CAMTA1: variants seen among roughly 807,000 people sequenced by gnomAD.
CAMTA1 encodes the protein calmodulin-binding transcription activator 1.
In CAMTA1, 27 loss-of-function variants were observed where a neutral mutation model predicts 170.9. The ratio of observed to expected loss-of-function variants is 0.16; its 90% CI spans 0.12 to 0.22. CAMTA1 has a LOEUF of 0.22. Among genes scored for constraint, CAMTA1 ranks in the 10% least tolerant of loss-of-function variants. The pLI is 1.00. For missense variants in CAMTA1, 1,619 were observed against 2,217.2 expected (o/e 0.73, Z 5.42); for synonymous variants, 833 against 891.5 (o/e 0.93, Z 1.17).
chr1:6,795,892 GGT>G (rs1642365929), intron 1 of CAMTA1, among the ~76,000 whole-genome samples: 1 of 152,040 alleles, frequency 6.6e-6, no homozygotes, highest in Non-Finnish European at 1.5e-5. Context: ...ACTGATAAAA[GGT>G]AAAACAAAAG....
At chr1:7,053,855 T>C (rs1368735653) in intron 3 of CAMTA1, among the ~76,000 whole-genome samples, 2 of 152,218 alleles carry the variant, frequency 1.3e-5, no homozygotes, top group Non-Finnish European at 2.9e-5. Flanking sequence ...AATGAGTGAA[T>C]GAATGCTGCG....
chr1:7,126,607 T>C (rs1644945633), intron 4 of CAMTA1, among the ~76,000 whole-genome samples: 1 of 152,248 alleles, frequency 6.6e-6, no homozygotes, highest in African/African-American at 2.4e-5. Flanking sequence ...ATGCAGCATC[T>C]GGTTGTATTA....
At chr1:7,439,955 G>A (rs747736058) in intron 5 of CAMTA1, among the ~76,000 whole-genome samples, 8 of 152,348 alleles carry the variant, frequency 5.3e-5, no homozygotes, top group East Asian at 1.9e-4. Context: ...CAGAATCATC[G>A]CTAGAATTCC....
intron 3 of CAMTA1, among the ~76,000 whole-genome samples, chr1:6,947,788 G>A (rs1687820156): frequency 6.6e-6 from 1 of 152,058 alleles, no homozygotes; most frequent in Non-Finnish European, 1.5e-5. Context: ...TGCTATTACA[G>A]ATGGAATTAT....
intron 3 of CAMTA1, among the ~76,000 whole-genome samples, chr1:7,026,907 C>T (rs1013262352): frequency 5.9e-5 from 9 of 152,212 alleles, no homozygotes; most frequent in African/African-American, 1.9e-4. Flanking sequence ...GGATTACAGA[C>T]ATGAGCCACT....
At chr1:6,795,956 A>G (rs1642378785) in intron 1 of CAMTA1, among the ~76,000 whole-genome samples, 1 of 152,156 alleles carries the variant, frequency 6.6e-6, no homozygotes, top group South Asian at 2.1e-4. Flanking sequence ...GCTGATTTGC[A>G]TCAGTACAGT....
intron 6 of CAMTA1, among the ~76,000 whole-genome samples, chr1:7,595,344 C>A (rs1247445367): frequency 6.6e-6 from 1 of 152,224 alleles, no homozygotes; most frequent in Non-Finnish European, 1.5e-5. Context: ...CGAGGCAAGG[C>A]AGAGAGCCCT....
intron 1 of CAMTA1, chr1:6,807,057 T>A (rs1177349983): frequency 1.5e-6 from 1 of 665,646 alleles, no homozygotes; most frequent in South Asian, 1.6e-5. Context: ...AGATGCCATA[T>A]GAAATTTCAG....
intron 12 of CAMTA1, among the ~76,000 whole-genome samples, chr1:7,733,009 C>T (rs1456827033): frequency 6.6e-6 from 1 of 151,988 alleles, no homozygotes; most frequent in Non-Finnish European, 1.5e-5. Context: ...GCCTGAGCAA[C>T]ATACTGAGAC....
At chr1:6,809,011 T>TTTCTTC (rs201691855) in intron 1 of CAMTA1, among the ~76,000 whole-genome samples, 1 of 151,506 alleles carries the variant, frequency 6.6e-6, no homozygotes, top group Non-Finnish European at 1.5e-5. Context: ...TACCACTGTT[T>TTTCTTC]TTCTTCTTCT....
At chr1:7,341,771 C>T (rs1008038387) in intron 5 of CAMTA1, among the ~76,000 whole-genome samples, 1 of 152,350 alleles carries the variant, frequency 6.6e-6, no homozygotes, top group Admixed American at 6.5e-5. Flanking sequence ...TTTCTCTCTC[C>T]ACAGAACTCA....
In CAMTA1 at chr1:7,663,748, A is replaced by G. The variant is rs2095980526; in HGVS notation, c.1201A>G (p.Met401Val). Residue 401 changes from methionine to valine, a missense_variant, in exon 9 of 23, where the codon ATG becomes GTG. Physicochemically the swap from Met to Val is conservative, Grantham distance 21 (BLOSUM62 1). Around this residue, in one of 8 missense-constraint regions of CAMTA1, gnomAD observed 731 missense variants for 907.6 expected, o/e 0.81. Coordinates refer to ENST00000303635, the MANE Select transcript of CAMTA1 (RefSeq NM_015215.4). The stretch of plus-strand genomic sequence containing the variant: ...CTTGTCCCAGAGCGCCACGGTGTTC[A>G]TGTCAGAGGTCACCAATGAGGCCGT... ...GSLSQSATVF[M>V]SEVTNEAVYT... 3.1e-6 allele frequency: 5 copies of G among 1,613,940 alleles called. No homozygotes were observed. Among genetic ancestry groups the G allele is most frequent in the South Asian group, 2.2e-5 (2 of 91,074 alleles).
At chr1:7,708,872 A>G (rs2096547583) in intron 11 of CAMTA1, among the ~76,000 whole-genome samples, 1 of 152,206 alleles carries the variant, frequency 6.6e-6, no homozygotes, top group Non-Finnish European at 1.5e-5. Flanking sequence ...AGGTGATGAT[A>G]AGTCATGTAA....
intron 3 of CAMTA1, among the ~76,000 whole-genome samples, chr1:7,043,365 G>GTC (rs1346924282): frequency 1.3e-5 from 1 of 74,734 alleles, no homozygotes; most frequent in Non-Finnish European, 2.6e-5. Flanking sequence ...GTGTGTGCAT[G>GTC]TCTCTGTGTG....
chr1:7,541,895 C>T (rs1365783066), intron 6 of CAMTA1, among the ~76,000 whole-genome samples: 3 of 152,180 alleles, frequency 2.0e-5, no homozygotes, highest in African/African-American at 4.8e-5. Context: ...TCTGCCTGGC[C>T]AACAAGATAA....
intron 4 of CAMTA1, among the ~76,000 whole-genome samples, chr1:7,228,838 C>G (rs1368803209): frequency 6.6e-6 from 1 of 152,096 alleles, no homozygotes; most frequent in East Asian, 1.9e-4. Context: ...CCTTGGGGCA[C>G]TTTGGACTAA....
intron 16 of CAMTA1, 54 bp from the exon 17 acceptor site, chr1:7,744,781 A>T: frequency 6.6e-7 from 1 of 1,518,888 alleles, no homozygotes; most frequent in Non-Finnish European, 9.0e-7. Flanking sequence ...GTAGACCTGG[A>T]TAACTTGTAA....
chr1:6,918,142 A>T lies in CAMTA1; in HGVS notation c.234+92932A>T, dbSNP rs1309519602. 1.3e-5 allele frequency among the ~76,000 whole-genome samples: 2 copies of T among 152,146 alleles called. No homozygotes were observed. The highest frequency in any genetic ancestry group is 1.3e-4 in the Admixed American group (2 of 15,276). On this transcript the variant is annotated intron_variant, in intron 3 of 22. Transcript: ENST00000303635. This position sits in a 1 kb window ranked among gnomAD's most constrained non-coding sequence, Gnocchi z 4.0. ...CCTCCCATGCTCCTGTTTGGGAAGA[A>T]TTATGCAATTATTCCTAAATGGAGT...
rs2095448031 is a variant in CAMTA1, at chr1:7,601,996, G to C, written c.511-38404G>C. 1.4e-5 allele frequency among the ~76,000 whole-genome samples: 2 copies of C among 139,274 alleles called. 1 individual carries two copies. Among genetic ancestry groups the C allele is most frequent in the Non-Finnish European group, 3.1e-5 (2 of 64,582 alleles). 91.4% of individuals were successfully genotyped at this position (139,274 alleles called of 152,430 possible). On this transcript the variant is annotated intron_variant, in intron 6 of 22. Transcript: ENST00000303635. ...TGGGGAGAGGGAGACCGTGGGGAGAGGGAGAGGGAGAGGGAGAGGGAGAGG... is the reference window on the plus strand; with the variant it reads ...TGGGGAGAGGGAGACCGTGGGGAGACGGAGAGGGAGAGGGAGAGGGAGAGG...
Sources: gnomAD v4.1 joint callset for allele counts (sites outside exome capture counted in the v4.1 genomes callset) on GRCh38, gnomAD v4.1.1 for gene constraint, gnomAD v4.1.1 regional missense constraint, Gnocchi (gnomAD v3.1) non-coding constraint, MANE v1.5 for transcripts, NCBI Gene and HGNC (gene_info 2026-07-23, HGNC 2026-07-21) for gene names.